The following RAPH1 variants were observed in gnomAD, a reference collection of about 807,000 sequenced individuals.
The protein encoded by RAPH1 is ras-associated and pleckstrin homology domains-containing protein 1.
RAPH1 carries 18 observed loss-of-function variants against 88.1 expected under a neutral mutation model. That is an observed-to-expected ratio of 0.20 (90% CI 0.14 to 0.30). RAPH1 has a LOEUF of 0.30. Ranked by LOEUF, RAPH1 falls within the 10% of genes least tolerant of loss-of-function variation. The pLI, the probability that RAPH1 is intolerant of heterozygous loss-of-function variation, is 1.00. For synonymous variants in RAPH1, 587 were observed against 559.0 expected, an observed-to-expected ratio of 1.05 and a Z score of -0.71; for missense variants, 1,448 against 1,543.2, an observed-to-expected ratio of 0.94 and a Z score of 1.03.
rs192159729 is a variant in RAPH1, at chr2:203,503,702, G to C, written c.1-8349C>G. Among the ~76,000 whole-genome samples the C allele has an allele frequency of 2.1e-4, 32 of 152,256 alleles. No individual in the cohort carries two copies. The East Asian group carries it at 4.6e-3, about 22-fold the overall frequency. On this transcript the variant is annotated intron_variant, in intron 1 of 13. Transcript: ENST00000319170. Reference sequence around the variant, plus strand: ...AACTAATTTCAGTATTAACCTGAAAGTCCACAGTCCAAAGTCCCATCTGAG... The same window carrying C: ...AACTAATTTCAGTATTAACCTGAAACTCCACAGTCCAAAGTCCCATCTGAG...
intron 13 of RAPH1, chr2:203,444,658 C>A (rs1271736110): frequency 4.6e-6 from 2 of 433,810 alleles, no homozygotes; most frequent in Non-Finnish European, 8.0e-6. Context: ...TCATTAGAGC[C>A]AATTTGTAAA....
chr2:203,437,965 A>G lies in RAPH1; in HGVS notation c.*1472T>C, dbSNP rs189863050. On this transcript the variant is annotated 3_prime_UTR_variant, in exon 14 of 14. Transcript: ENST00000319170. ...TTTATTCCTAATAGTCCAATTTATC[A>G]TAAGTTGATGAGAGTACTTATTTCT... 9.3e-5 allele frequency: 31 copies of G among 334,552 alleles called. No homozygotes were observed. Among genetic ancestry groups the G allele is most frequent in the African/African-American group, 5.4e-4 (25 of 46,086 alleles). 20.7% of individuals were successfully genotyped at this position (334,552 alleles called of 1,614,324 possible).
chr2:203,440,743 T>C lies in RAPH1; in HGVS notation c.2447A>G (p.Gln816Arg). 3.1e-6 allele frequency: 5 copies of C among 1,609,730 alleles called. No individual in the cohort carries two copies. Among genetic ancestry groups the C allele is most frequent in the Non-Finnish European group, 4.2e-6 (5 of 1,178,174 alleles). The change falls in exon 14 of 14, where the codon CAG becomes CGG. Residue 816 changes from glutamine to arginine, a missense_variant. By Grantham distance (43) the Gln-to-Arg change is conservative. Around this residue, in one of 2 missense-constraint regions of RAPH1, gnomAD observed 935 missense variants for 890.1 expected, o/e 1.05. Transcript: ENST00000319170. ...AATGTAAGAAGCAGGGAAAGCTGGC[T>C]GCTTTTTTGCTGGGGGCACTGGAGG... ...PTPPVPPAKK[Q>R]PAFPASYIPP...
At chr2:203,529,492 G>C (rs964855797) in intron 1 of RAPH1, among the ~76,000 whole-genome samples, 1 of 152,112 alleles carries the variant, frequency 6.6e-6, no homozygotes, top group Non-Finnish European at 1.5e-5. Context: ...CTCCTGAGTA[G>C]CTGGGATTAC....
In RAPH1 at chr2:203,444,990, T is replaced by C; in HGVS notation, c.1654A>G (p.Asn552Asp). Residue 552 changes from asparagine (N) to aspartate (D), a missense_variant, in exon 13 of 14, where the codon AAT becomes GAT. Asn to Asp is a conservative substitution (Grantham distance 23). Transcript: ENST00000319170. ...TCAGAAACTCCGCTATCAGACTGAT[T>C]GGAGTGGTTTGACTGAGACTCTGTT... is the stretch of plus-strand genomic sequence containing the variant. ...SIPESQSNHS[N>D]QSDSGVSDTQ... The C allele has an allele frequency of 6.2e-7, 1 of 1,613,750 alleles. No individual in the cohort carries two copies. The highest frequency in any genetic ancestry group is 2.2e-5 in the East Asian group (1 of 44,880).
At chr2:203,455,675 C>T in intron 8 of RAPH1, 95 bp from the exon 9 acceptor site, 1 of 1,212,678 alleles carries the variant, frequency 8.2e-7, no homozygotes, top group Non-Finnish European at 1.2e-6. Flanking sequence ...AGTTATTAAA[C>T]CAAAATGGTT....
intron 4 of RAPH1, among the ~76,000 whole-genome samples, chr2:203,475,272 T>G (rs952596825): frequency 1.5e-3 from 229 of 152,100 alleles, no homozygotes; most frequent in African/African-American, 5.4e-3. Context: ...CTGGGCGAGG[T>G]GGCGGGTGCC....
chr2:203,497,676 T>G (rs1688578362), intron 1 of RAPH1, among the ~76,000 whole-genome samples: 1 of 152,200 alleles, frequency 6.6e-6, no homozygotes, highest in Non-Finnish European at 1.5e-5. Context: ...TTCCATTTCT[T>G]AATCTTTTAT....
At position 203,510,335 on chromosome 2, in the gene RAPH1, CAAAAAAAA is replaced by C. The variant is rs33911103; in HGVS notation, c.1-14990_1-14983del. On this transcript the variant is annotated intron_variant, in intron 1 of 13. Coordinates refer to ENST00000319170, the MANE Select transcript of RAPH1 (RefSeq NM_213589.3). ...TGGGTGATAGAGCAAAACTCCATCT[CAAAAAAAA>C]AAAAAAAAAAAAAAAAAGTCCTCTT... Among the ~76,000 whole-genome samples the C allele has an allele frequency of 8.5e-3, 326 of 38,136 alleles. 2 individuals are homozygous for C. The highest frequency in any genetic ancestry group is 0.035 in the African/African-American group (309 of 8,794). 25.0% of individuals were successfully genotyped at this position (38,136 alleles called of 152,430 possible). A position where few individuals can be genotyped will look rare whatever the true frequency, so the allele number is the denominator to read the frequency against.
At chr2:203,492,895 T>C (rs1176337423) in intron 2 of RAPH1, among the ~76,000 whole-genome samples, 1 of 151,912 alleles carries the variant, frequency 6.6e-6, no homozygotes, top group African/African-American at 2.4e-5. Flanking sequence ...AAAATGCACA[T>C]ACATAAAAAA....
intron 4 of RAPH1, among the ~76,000 whole-genome samples, chr2:203,484,303 G>A (rs1230510662): frequency 6.6e-6 from 1 of 152,100 alleles, no homozygotes; most frequent in Non-Finnish European, 1.5e-5. Flanking sequence ...CTTGCTGATC[G>A]TGACTAACAG....
intron 13 of RAPH1, 53 bp downstream of exon 13, chr2:203,444,815 A>C: frequency 6.4e-7 from 1 of 1,561,308 alleles, no homozygotes; most frequent in Admixed American, 1.7e-5. Context: ...CAACAATTTA[A>C]ACCCAAAAGA....
chr2:203,480,794 T>C (rs146831884), intron 4 of RAPH1, among the ~76,000 whole-genome samples: 43 of 152,290 alleles, frequency 2.8e-4, no homozygotes, highest in African/African-American at 9.4e-4. Context: ...AATAGTATGT[T>C]GAAAATAAGT....
chr2:203,457,625 G>A, intron 7 of RAPH1, 30 bp from the exon 8 acceptor site: 1 of 1,499,902 alleles, frequency 6.7e-7, no homozygotes, highest in Non-Finnish European at 9.3e-7. Flanking sequence ...GAAGGGATGG[G>A]TGGGAGAGAA....
At chr2:203,459,538 G>A (rs1197417497) in intron 7 of RAPH1, among the ~76,000 whole-genome samples, 1 of 152,200 alleles carries the variant, frequency 6.6e-6, no homozygotes, top group African/African-American at 2.4e-5. Flanking sequence ...AATGGCTGGA[G>A]TAGAGAAGTA....
At position 203,499,714 on chromosome 2, in the gene RAPH1, GA is replaced by G. The variant is rs540502295; in HGVS notation, c.1-4362del. Among the ~76,000 whole-genome samples the G allele has an allele frequency of 4.7e-5, 7 of 147,552 alleles. No homozygotes were observed. The South Asian group carries it at 1.1e-3, about 23-fold the overall frequency. On this transcript the variant is annotated intron_variant, in intron 1 of 13. Transcript: ENST00000319170. ...AGTGACGAGTGAACTCCATCTCAAAGAAAAAAAAAACTTAAGAAACTTACTC... is the reference window on the plus strand; with the variant it reads ...AGTGACGAGTGAACTCCATCTCAAAGAAAAAAAAACTTAAGAAACTTACTC...
Position 203,434,771 on chromosome 2 carries a change from T to C in RAPH1, c.*4666A>G, listed in dbSNP as rs1428885303. 1 of 152,388 alleles carries C rather than the reference T, an allele frequency of 6.6e-6. No homozygotes were observed. The highest frequency in any genetic ancestry group is 2.4e-5 in the African/African-American group (1 of 41,430). 9.4% of individuals were successfully genotyped at this position (152,388 alleles called of 1,614,324 possible). On this transcript the variant is annotated 3_prime_UTR_variant, in exon 14 of 14. Transcript: ENST00000319170. ...TATTAGTAGCCATCCATGATAAACA[T>C]AATTAATTCTCAACTTAACCATCTA...
intron 4 of RAPH1, among the ~76,000 whole-genome samples, chr2:203,488,614 A>AC (rs978620815): frequency 1.0e-4 from 15 of 149,464 alleles, no homozygotes; most frequent in East Asian, 3.9e-4. Context: ...AAAAAAAAAA[A>AC]AAAACCTGTT....
chr2:203,534,525 A>T (rs1169175145), intron 1 of RAPH1, among the ~76,000 whole-genome samples: 1 of 11,056 alleles, frequency 9.0e-5, no homozygotes, highest in Non-Finnish European at 3.3e-4. Context: ...CCCCCCCCCC[A>T]TGAATTGCAG....
Sources: allele counts gnomAD v4.1 joint callset (sites outside exome capture counted in the v4.1 genomes callset), GRCh38; gene constraint gnomAD v4.1.1; regional missense constraint gnomAD v4.1.1; transcripts MANE v1.5; gene names NCBI Gene and HGNC (gene_info 2026-07-23, HGNC 2026-07-21).